The following HIP1R variants were observed in gnomAD, a reference collection of about 807,000 sequenced individuals.
HIP1R encodes huntingtin interacting protein 1 related, also known as huntingtin-interacting protein 1-related protein.
In HIP1R, 135 loss-of-function variants were observed where a neutral mutation model predicts 144.2. That is an observed-to-expected ratio of 0.94 (90% CI 0.81 to 1.08). HIP1R has a LOEUF of 1.08. Ranked by LOEUF, HIP1R falls within the 50% of genes least tolerant of loss-of-function variation. The pLI is 0.00. For missense variants in HIP1R, 1,462 were observed against 1,432.8 expected, an observed-to-expected ratio of 1.02 and a Z score of -0.33; for synonymous variants, 698 against 612.8, an observed-to-expected ratio of 1.14 and a Z score of -2.05.
intron 8 of HIP1R, among the ~76,000 whole-genome samples, chr12:122,854,564 C>T (rs1296237791): frequency 1.7e-4 from 26 of 152,188 alleles, no homozygotes. Context: ...GGGTCTCGTC[C>T]CTCGACCGCA....
At position 122,855,588 on chromosome 12, in the gene HIP1R, C is replaced by G. The variant is rs536665725; in HGVS notation, c.1031C>G (p.Pro344Arg). ...ADLFDQTFGP[P>R]NGSVKDDRDL... ...CTCTTCGATCAGACGTTTGGACCCC[C>G]CAATGGGTCTGTGAAGGACGACAGG... Residue 344 changes from proline to arginine, a missense_variant, in exon 12 of 32, where the codon CCC becomes CGC. Physicochemically the swap from Pro to Arg is moderately radical, Grantham distance 103. Transcript: ENST00000253083. 6.5e-6 allele frequency: 10 copies of G among 1,549,780 alleles called. No individual in the cohort carries two copies. Among genetic ancestry groups the G allele is most frequent in the South Asian group, 3.6e-5 (3 of 83,992 alleles).
At chr12:122,844,918 A>T (rs1486618217) in intron 1 of HIP1R, among the ~76,000 whole-genome samples, 1 of 152,182 alleles carries the variant, frequency 6.6e-6, no homozygotes, top group African/African-American at 2.4e-5. Context: ...ACCCAGGGAC[A>T]GGCCTGGGCA....
intron 1 of HIP1R, among the ~76,000 whole-genome samples, chr12:122,845,563 A>G (rs954728056): frequency 2.6e-5 from 4 of 152,290 alleles, no homozygotes; most frequent in Admixed American, 6.5e-5. Context: ...CCCTCCTGCC[A>G]TGAAAGTCAT....
rs1158466090 is a variant in HIP1R, at chr12:122,857,758, T to C, written c.1816-344T>C. ...TGCCAATGCTTATTATTGTCTTCTT[T>C]TTATTTTAGCCATCCTAGTGGGTGT... On this transcript the variant is annotated intron_variant, in intron 18 of 31. Transcript: ENST00000253083. The C allele has an allele frequency of 1.4e-5, 4 of 283,288 alleles. No homozygotes were observed. The Admixed American group carries it at 1.9e-4, about 13-fold the overall frequency. 17.5% of individuals were successfully genotyped at this position (283,288 alleles called of 1,614,324 possible).
intron 1 of HIP1R, among the ~76,000 whole-genome samples, chr12:122,843,089 C>T (rs1030852197): frequency 2.0e-5 from 3 of 152,242 alleles, no homozygotes; most frequent in Non-Finnish European, 2.9e-5. Context: ...ATCCGGAGCC[C>T]ACTCGCAATT....
At chr12:122,851,361 G>A in intron 7 of HIP1R, 64 bp downstream of exon 7, 1 of 1,325,648 alleles carries the variant, frequency 7.5e-7, no homozygotes, top group South Asian at 1.5e-5. Context: ...GATGGGACGA[G>A]AAGAAAAAAG....
intron 1 of HIP1R, among the ~76,000 whole-genome samples, chr12:122,843,711 T>C (rs2033125386): frequency 6.6e-6 from 1 of 152,070 alleles, no homozygotes; most frequent in African/African-American, 2.4e-5. Flanking sequence ...ACTCCGAGGA[T>C]TTTTCGAGAC....
intron 2 of HIP1R, 21 bp downstream of exon 2, chr12:122,848,115 G>A: frequency 6.2e-7 from 1 of 1,612,722 alleles, no homozygotes; most frequent in Non-Finnish European, 8.5e-7. Flanking sequence ...CCGGCTCTTG[G>A]ACCCAGGAGT....
chr12:122,851,360 A>G, intron 7 of HIP1R, 63 bp downstream of exon 7: 2 of 1,325,314 alleles, frequency 1.5e-6, no homozygotes, highest in South Asian at 1.5e-5. Flanking sequence ...AGATGGGACG[A>G]GAAGAAAAAA....
intron 1 of HIP1R, among the ~76,000 whole-genome samples, chr12:122,838,201 A>G (rs1201455441): frequency 1.3e-5 from 2 of 152,042 alleles, no homozygotes; most frequent in African/African-American, 4.8e-5. Context: ...AAGAGAGGCG[A>G]TCATGTGCCT....
chr12:122,848,002 T>G lies in HIP1R; in HGVS notation c.94-29T>G, dbSNP rs934921212. 12 of 1,612,298 alleles carry G rather than the reference T, an allele frequency of 7.4e-6. No individual in the cohort carries two copies. The East Asian group carries it at 2.2e-4, about 30-fold the overall frequency. ...GTCTCCTGGGGTGGCTGCCTGGGGC[T>G]CTAAACACTGCTCCTTTGTCCCTCA... On this transcript the variant is annotated intron_variant, in intron 1 of 31. Transcript: ENST00000253083.
In HIP1R at chr12:122,848,667, G is replaced by A. The variant is rs191071864; in HGVS notation, c.300+59G>A. The A allele has an allele frequency of 1.1e-4, 178 of 1,594,794 alleles. No individual in the cohort carries two copies. In the African/African-American group the frequency reaches 2.0e-3, roughly 18 times the overall value. ...CTGGGGCACTGTCCCGCGGACATGC[G>A]GGCTCTGGCCCTGTTCCTGTCCCCG... On this transcript the variant is annotated intron_variant, in intron 3 of 31. Coordinates refer to ENST00000253083, the MANE Select transcript of HIP1R (RefSeq NM_003959.3).
At position 122,849,881 on chromosome 12, in the gene HIP1R, T is replaced by C. The variant is rs1433898991; in HGVS notation, c.364T>C (p.Leu122=). Residue 122 remains leucine, a synonymous_variant, in exon 5 of 32, where the codon TTG becomes CTG. Coordinates refer to ENST00000253083, the MANE Select transcript of HIP1R (RefSeq NM_003959.3). ...IREIGDLWGH[L]HDRYGQLVNV... ...CCTGTCTGTCTTCACACAGGGACATTTGCATGACCGCTACGGACAGCTGGT... is the reference window on the plus strand; with the variant it reads ...CCTGTCTGTCTTCACACAGGGACATCTGCATGACCGCTACGGACAGCTGGT... 3.1e-6 allele frequency: 5 copies of C among 1,612,636 alleles called. No homozygotes were observed. Among genetic ancestry groups the C allele is most frequent in the East Asian group, 2.2e-5 (1 of 44,884 alleles).
chr12:122,853,538 G>A lies in HIP1R; in HGVS notation c.578-505G>A, dbSNP rs553804759. The A allele has an allele frequency of 1.6e-4, 17 of 106,568 alleles. 4 individuals are homozygous for A. The highest frequency in any genetic ancestry group is 5.0e-4 in the African/African-American group (15 of 29,982). 6.6% of individuals were successfully genotyped at this position (106,568 alleles called of 1,614,324 possible). A position where few individuals can be genotyped will look rare whatever the true frequency, so the allele number is the denominator to read the frequency against. On this transcript the variant is annotated intron_variant, in intron 7 of 31. Coordinates refer to ENST00000253083, the MANE Select transcript of HIP1R (RefSeq NM_003959.3). ...ACGGGCCCTGGGGGTGTCAGGGGCA[G>A]GGGAGATGGGCCCTGGGGGCAAGCG...
At chr12:122,837,822 G>A (rs2032950048) in intron 1 of HIP1R, among the ~76,000 whole-genome samples, 1 of 152,220 alleles carries the variant, frequency 6.6e-6, no homozygotes, top group South Asian at 2.1e-4. Context: ...GGTTTTGTAC[G>A]TGGTTAATAT....
chr12:122,853,915 G>A (rs189186753), intron 7 of HIP1R, 128 bp from the exon 8 acceptor site: 24 of 1,128,110 alleles, frequency 2.1e-5, no homozygotes, highest in African/African-American at 2.1e-4. Flanking sequence ...TGAGGCTCCC[G>A]TCTTGGAGGC....
chr12:122,861,742 G>A lies in HIP1R; in HGVS notation c.3196G>A (p.Val1066Met), dbSNP rs375706452. The stretch of plus-strand genomic sequence containing the variant: ...GGATGGCATCTACCCAGCTCAACTC[G>A]TGAACTACTAGGCCCCCCAGGGGTC... The part of the protein sequence containing the change: ...KKDGIYPAQL[V>M]NY The change falls in exon 32 of 32, where the codon GTG becomes ATG. Residue 1066 changes from valine to methionine, a missense_variant. Physicochemically the swap from Val to Met is conservative, Grantham distance 21. Around this residue, in one of 2 missense-constraint regions of HIP1R, gnomAD observed 1,112 missense variants for 1,011.7 expected, o/e 1.10. Transcript: ENST00000253083. 5.1e-5 allele frequency: 82 copies of A among 1,614,054 alleles called. No individual in the cohort carries two copies. The highest frequency in any genetic ancestry group is 1.6e-4 in the South Asian group (15 of 91,084).
At position 122,862,782 on chromosome 12, in the gene HIP1R, C is replaced by A. The variant is rs1248092393; in HGVS notation, c.*1029C>A. ...AGCCAGCAGCTGCCATGCCCTCCTG[C>A]TCCCCCCACCCCAGCCCTAGCCCTT... On this transcript the variant is annotated 3_prime_UTR_variant, in exon 32 of 32. Coordinates refer to ENST00000253083, the MANE Select transcript of HIP1R (RefSeq NM_003959.3). 1.3e-5 allele frequency: 2 copies of A among 152,116 alleles called. No homozygotes were observed. The highest frequency in any genetic ancestry group is 2.9e-5 in the Non-Finnish European group (2 of 68,006). The allele number at this position is 152,116 out of a possible 1,614,324, so 9.4% of individuals were successfully genotyped here.
At position 122,860,725 on chromosome 12, in the gene HIP1R, CTCA is replaced by C; in HGVS notation, c.2710_2712del (p.Ile904del). 6.2e-7 allele frequency: 1 copy of C among 1,613,340 alleles called. No homozygotes were observed. The highest frequency in any genetic ancestry group is 8.5e-7 in the Non-Finnish European group (1 of 1,179,970). On this transcript the variant is annotated inframe_deletion, in exon 28 of 32. Transcript: ENST00000253083. ...GCTTCACACGGGCAAGTATGAGGAG[CTCA>C]TCGTCTGCTCCCACGAGATCGCAGC...
Sources: gnomAD v4.1 joint callset for allele counts (sites outside exome capture counted in the v4.1 genomes callset) on GRCh38, gnomAD v4.1.1 for gene constraint, gnomAD v4.1.1 regional missense constraint, MANE v1.5 for transcripts, NCBI Gene and HGNC (gene_info 2026-07-23, HGNC 2026-07-21) for gene names.